The following BIN3 variants were observed in gnomAD, a reference collection of about 807,000 sequenced individuals.
The protein encoded by BIN3 is bridging integrator 3.
In BIN3, 41 loss-of-function variants were observed where a neutral mutation model predicts 38.2. That is an observed-to-expected ratio of 1.07 (90% CI 0.84 to 1.39). The LOEUF is 1.39. BIN3 is among the 40% of genes most tolerant of loss of function. The probability of loss-of-function intolerance (pLI) is 0.00; values close to 1 mark genes in which losing one functional copy is unlikely to be tolerated. For missense variants in BIN3, 361 were observed against 324.3 expected, an observed-to-expected ratio of 1.11 and a Z score of -0.87; for synonymous variants, 145 against 122.6, an observed-to-expected ratio of 1.18 and a Z score of -1.21.
chr8:22,657,776 C>T (rs1803102352), intron 1 of BIN3, among the ~76,000 whole-genome samples: 1 of 152,248 alleles, frequency 6.6e-6, no homozygotes, highest in Non-Finnish European at 1.5e-5. Flanking sequence ...ACCTCTTCTT[C>T]CCTTGAGTCC....
intron 2 of BIN3, among the ~76,000 whole-genome samples, chr8:22,642,054 A>G (rs1802580465): frequency 6.6e-6 from 1 of 152,198 alleles, no homozygotes; most frequent in Admixed American, 6.5e-5. Flanking sequence ...ATTTGTGTTA[A>G]TAACCTGGGC....
chr8:22,654,239 T>C (rs1802988779), intron 1 of BIN3, among the ~76,000 whole-genome samples: 1 of 152,228 alleles, frequency 6.6e-6, no homozygotes, highest in African/African-American at 2.4e-5. Flanking sequence ...TATGGATTTA[T>C]GCCTTAAAAA....
intron 6 of BIN3, 115 bp from the exon 7 acceptor site, chr8:22,624,478 G>A (rs1047745754): frequency 2.9e-5 from 40 of 1,378,422 alleles, no homozygotes; most frequent in East Asian, 9.2e-5. Flanking sequence ...TTGGAGGGGC[G>A]TCCTGGCCAG....
At chr8:22,625,054 G>A (rs536921682) in intron 6 of BIN3, 10 of 413,312 alleles carry the variant, frequency 2.4e-5, no homozygotes, top group African/African-American at 3.9e-5. Context: ...CATTGGAACC[G>A]CCAAAGTTCC....
intron 1 of BIN3, among the ~76,000 whole-genome samples, chr8:22,649,859 C>CACACATACACA (rs1563973928): frequency 7.5e-6 from 1 of 133,592 alleles, no homozygotes; most frequent in African/African-American, 3.3e-5. Flanking sequence ...ACACACACAC[C>CACACATACACA]CCCAAAGGAA....
At chr8:22,631,162 A>T (rs1802186361) in intron 4 of BIN3, among the ~76,000 whole-genome samples, 1 of 152,206 alleles carries the variant, frequency 6.6e-6, no homozygotes, top group African/African-American at 2.4e-5. Flanking sequence ...CTTTATTGAC[A>T]AAACTAGGTC....
At chr8:22,663,418 C>G (rs559103719) in intron 1 of BIN3, among the ~76,000 whole-genome samples, 74 of 122,350 alleles carry the variant, frequency 6.0e-4, no homozygotes, top group Middle Eastern at 5.0e-3. Flanking sequence ...GCCTGGGCAA[C>G]AGTGAGACCC....
At chr8:22,663,437 G>GT (rs1424735793) in intron 1 of BIN3, among the ~76,000 whole-genome samples, 7 of 70,060 alleles carry the variant, frequency 1.0e-4, no homozygotes, top group Non-Finnish European at 1.4e-4. Flanking sequence ...CCCCCGATTT[G>GT]TTTAAAAAAA....
chr8:22,656,513 G>A (rs1803061567), intron 1 of BIN3, among the ~76,000 whole-genome samples: 1 of 151,910 alleles, frequency 6.6e-6, no homozygotes. Flanking sequence ...ACAGTCTTAG[G>A]GTATGAAAAT....
intron 2 of BIN3, among the ~76,000 whole-genome samples, chr8:22,638,413 T>G (rs1802439245): frequency 6.6e-6 from 1 of 152,262 alleles, no homozygotes; most frequent in African/African-American, 2.4e-5. Flanking sequence ...GGTTCAGGTC[T>G]TTTTGTTTCA....
intron 4 of BIN3, chr8:22,634,537 TG>T: frequency 2.2e-6 from 1 of 454,796 alleles, no homozygotes; most frequent in Non-Finnish European, 4.4e-6. Context: ...TGGCATAAAA[TG>T]GGAACAAATT....
At chr8:22,633,556 G>C (rs1009939555) in intron 4 of BIN3, among the ~76,000 whole-genome samples, 1 of 152,248 alleles carries the variant, frequency 6.6e-6, no homozygotes, top group Non-Finnish European at 1.5e-5. Context: ...AAAGTAGTAT[G>C]AGTTTCTGAA....
At chr8:22,650,526 T>C (rs1802857586) in intron 1 of BIN3, among the ~76,000 whole-genome samples, 1 of 152,230 alleles carries the variant, frequency 6.6e-6, no homozygotes, top group Non-Finnish European at 1.5e-5. Context: ...ACTTTATTAC[T>C]TTTATGGCTT....
intron 2 of BIN3, among the ~76,000 whole-genome samples, chr8:22,639,886 A>G (rs1258924233): frequency 6.7e-6 from 1 of 149,182 alleles, no homozygotes; most frequent in Non-Finnish European, 1.5e-5. Context: ...TTTGAGGCGG[A>G]GTTTCGCTCT....
rs914517307 is a variant in BIN3 at position 22,620,838 on chromosome 8, C to G, written c.*584G>C. 1.3e-5 allele frequency: 2 copies of G among 152,396 alleles called. No homozygotes were observed. The highest frequency in any genetic ancestry group is 4.8e-5 in the African/African-American group (2 of 41,458). The allele number at this position is 152,396 out of a possible 1,614,324, so 9.4% of individuals were successfully genotyped here. A position where few individuals can be genotyped will look rare whatever the true frequency, so the allele number is the denominator to read the frequency against. On this transcript the variant is annotated 3_prime_UTR_variant, in exon 9 of 9. Transcript: ENST00000276416. ...GACAGTTCCACTGACAGCTTGCGTT[C>G]CCGAGGTACCAGTCCTCAGTGACCT...
chr8:22,651,705 CTGT>C (rs1055449481), intron 1 of BIN3, among the ~76,000 whole-genome samples: 2 of 152,088 alleles, frequency 1.3e-5, no homozygotes, highest in Non-Finnish European at 2.9e-5. Context: ...TGTATATAAC[CTGT>C]TTTTTATTTT....
intron 4 of BIN3, among the ~76,000 whole-genome samples, chr8:22,635,748 C>T (rs1259334577): frequency 1.3e-5 from 2 of 152,218 alleles, no homozygotes; most frequent in Non-Finnish European, 2.9e-5. Flanking sequence ...AGCTATTGAT[C>T]AACCTTTGGT....
Position 22,649,859 on chromosome 8 carries a change from C to CACACATACACACACA in BIN3, c.9-5057_9-5056insTGTGTGTGTATGTGT, listed in dbSNP as rs1563973928. 5.7e-3 allele frequency among the ~76,000 whole-genome samples: 762 copies of CACACATACACACACA among 133,634 alleles called. 12 individuals carry two copies. The highest frequency in any genetic ancestry group is 0.017 in the African/African-American group (528 of 30,742). 87.7% of individuals were successfully genotyped at this position (133,634 alleles called of 152,430 possible). A position where few individuals can be genotyped will look rare whatever the true frequency, so the allele number is the denominator to read the frequency against. On this transcript the variant is annotated intron_variant, in intron 1 of 8. Transcript: ENST00000276416. ...CACACACACACACACACACACACAC[C>CACACATACACACACA]CCCAAAGGAAAAAATTAACAGTAAT... is the stretch of plus-strand genomic sequence containing the variant.
intron 2 of BIN3, among the ~76,000 whole-genome samples, chr8:22,637,625 T>C (rs1802414646): frequency 6.6e-6 from 1 of 152,222 alleles, no homozygotes; most frequent in Admixed American, 6.5e-5. Flanking sequence ...GGGCTGCACT[T>C]GTTGCGGAAG....
Sources: allele counts gnomAD v4.1 joint callset (sites outside exome capture counted in the v4.1 genomes callset), GRCh38; gene constraint gnomAD v4.1.1; transcripts MANE v1.5; gene names NCBI Gene and HGNC (gene_info 2026-07-23, HGNC 2026-07-21).